The following LYN variants were observed in gnomAD, a reference collection of about 807,000 sequenced individuals.
LYN encodes the protein LYN proto-oncogene, Src family tyrosine kinase, also known as tyrosine-protein kinase Lyn.
LYN carries 12 observed loss-of-function variants against 65.0 expected under a neutral mutation model. The observed-to-expected ratio is 0.18, with a 90% CI of 0.12 to 0.30. LYN has a LOEUF of 0.30. Among genes scored for constraint, LYN ranks in the 10% least tolerant of loss-of-function variants. The pLI is 1.00. For synonymous variants in LYN, 222 were observed against 221.2 expected (o/e 1.00, Z -0.03); for missense variants, 380 against 623.2 (o/e 0.61, Z 4.16).
At chr8:55,952,853 A>C (rs916412044) in intron 7 of LYN, among the ~76,000 whole-genome samples, 4 of 152,160 alleles carry the variant, frequency 2.6e-5, no homozygotes, top group African/African-American at 9.7e-5. Context: ...TACCACTGAA[A>C]TATTTAGAAG....
intron 1 of LYN, among the ~76,000 whole-genome samples, chr8:55,938,791 G>A (rs1385302005): frequency 2.6e-5 from 4 of 152,216 alleles, no homozygotes; most frequent in Non-Finnish European, 5.9e-5. Flanking sequence ...ATGGCAAAGT[G>A]GTAAGAGCCC....
chr8:55,894,609 T>A (rs2130369253), intron 1 of LYN, among the ~76,000 whole-genome samples: 1 of 151,962 alleles, frequency 6.6e-6, no homozygotes, highest in South Asian at 2.1e-4. Flanking sequence ...CTTGGCTCAC[T>A]GCAACCTCTG....
chr8:56,004,224 A>G (rs7843459), intron 12 of LYN, among the ~76,000 whole-genome samples: 38,639 of 149,350 alleles, frequency 0.26, 5,304 homozygotes, highest in Middle Eastern at 0.33. Flanking sequence ...GAGTCACCGC[A>G]CCCGGCCTAA....
At position 56,012,887 on chromosome 8, in the gene LYN, G is replaced by A. The variant is rs909308362; in HGVS notation, c.*2777G>A. 3.3e-5 allele frequency: 5 copies of A among 152,168 alleles called. No homozygotes were observed. The highest frequency in any genetic ancestry group is 3.2e-3 in the Middle Eastern group (1 of 316). The allele number at this position is 152,168 out of a possible 1,614,324, so 9.4% of individuals were successfully genotyped here. On this transcript the variant is annotated 3_prime_UTR_variant, in exon 13 of 13. Coordinates refer to ENST00000519728, the MANE Select transcript of LYN (RefSeq NM_002350.4). ...GAAGAGAAGGAAGGAGGAAAAAAAC[G>A]TGCCTTCCTTCCTGGTGAACATGAA...
At chr8:55,889,223 A>G (rs1471283922) in intron 1 of LYN, among the ~76,000 whole-genome samples, 2 of 152,086 alleles carry the variant, frequency 1.3e-5, no homozygotes, top group Non-Finnish European at 2.9e-5. Context: ...GGATAATTTG[A>G]GCTCAGGAGT....
intron 1 of LYN, among the ~76,000 whole-genome samples, chr8:55,918,683 C>T (rs1265443621): frequency 6.6e-6 from 1 of 152,152 alleles, no homozygotes; most frequent in East Asian, 1.9e-4. Context: ...TATGGCCTTG[C>T]GGGGTAGGGG....
intron 1 of LYN, among the ~76,000 whole-genome samples, chr8:55,914,540 A>C (rs922885816): frequency 2.0e-5 from 3 of 152,174 alleles, no homozygotes; most frequent in African/African-American, 7.2e-5. Flanking sequence ...TGGGTAGGTC[A>C]CAGCCCTGCC....
At chr8:56,008,741 C>CTT (rs141941484) in intron 12 of LYN, among the ~76,000 whole-genome samples, 28 of 152,306 alleles carry the variant, frequency 1.8e-4, no homozygotes, top group Non-Finnish European at 3.7e-4. Flanking sequence ...GAGCACCTTA[C>CTT]TTCTCTCCTG....
At chr8:55,979,018 C>T (rs11998041) in intron 10 of LYN, among the ~76,000 whole-genome samples, 6,775 of 149,178 alleles carry the variant, frequency 0.045, 524 homozygotes, top group African/African-American at 0.16. Flanking sequence ...TGATTTTTCT[C>T]TGTACTTAAA....
At chr8:55,898,400 C>A (rs112100083) in intron 1 of LYN, among the ~76,000 whole-genome samples, 3,410 of 152,106 alleles carry the variant, frequency 0.022, 63 homozygotes, top group East Asian at 0.093. Flanking sequence ...GCAATCCTCC[C>A]ATCTCAGCCT....
At chr8:55,991,983 T>C (rs193072295) in intron 10 of LYN, among the ~76,000 whole-genome samples, 1 of 152,366 alleles carries the variant, frequency 6.6e-6, no homozygotes, top group East Asian at 1.9e-4. Flanking sequence ...ATCGTCTCTT[T>C]ACGTGATTAG....
chr8:55,999,719 C>T (rs1288096958), intron 12 of LYN, among the ~76,000 whole-genome samples, 170 bp downstream of exon 12: 1 of 152,220 alleles, frequency 6.6e-6, no homozygotes, highest in African/African-American at 2.4e-5. Context: ...CGCCTGTAAT[C>T]CCAGCACTTT....
intron 12 of LYN, among the ~76,000 whole-genome samples, chr8:56,008,363 A>T (rs938937847): frequency 2.6e-5 from 4 of 152,200 alleles, no homozygotes; most frequent in African/African-American, 7.2e-5. Flanking sequence ...ACAGCTTTGA[A>T]AAAGAGATAG....
chr8:55,948,260 C>T (rs1435313743), intron 4 of LYN, among the ~76,000 whole-genome samples: 1 of 152,198 alleles, frequency 6.6e-6, no homozygotes, highest in East Asian at 1.9e-4. Context: ...AGGTGTGAGC[C>T]ACCACACCCA....
At chr8:56,006,994 A>G (rs1442531867) in intron 12 of LYN, among the ~76,000 whole-genome samples, 1 of 152,206 alleles carries the variant, frequency 6.6e-6, no homozygotes, top group Non-Finnish European at 1.5e-5. Flanking sequence ...TTCCCCAAAC[A>G]GGGTGGAGCA....
rs955963393 is a variant in LYN at position 55,961,864 on chromosome 8, G to A, written c.791-4851G>A. On this transcript the variant is annotated intron_variant, in intron 8 of 12. Coordinates refer to ENST00000519728, the MANE Select transcript of LYN (RefSeq NM_002350.4). ...CTTGCTAGCCCCAGAAGCCCCCACC[G>A]TCCACCCATCCCCTCCCACCCACAC... Among the ~76,000 whole-genome samples the A allele has an allele frequency of 2.7e-4, 41 of 150,296 alleles. 2 individuals are homozygous for A. The highest frequency in any genetic ancestry group is 8.8e-4 in the African/African-American group (36 of 40,706).
rs1227947578 is a variant in LYN at position 55,998,222 on chromosome 8, C to T, written c.1051-124C>T. The T allele has an allele frequency of 9.2e-6, 6 of 653,214 alleles. No individual in the cohort carries two copies. In the Admixed American group the frequency reaches 1.7e-4, roughly 19 times the overall value. The allele number at this position is 653,214 out of a possible 1,614,324, so 40.5% of individuals were successfully genotyped here. A position where few individuals can be genotyped will look rare whatever the true frequency, so the allele number is the denominator to read the frequency against. ...TGCCATTACCCACTGTCTTTAAAAG[C>T]TGAATGATCAAAATAGTATACATGA... On this transcript the variant is annotated intron_variant, in intron 10 of 12. Coordinates refer to ENST00000519728, the MANE Select transcript of LYN (RefSeq NM_002350.4).
chr8:55,944,325 A>G (rs1258974694), intron 2 of LYN, among the ~76,000 whole-genome samples: 1 of 152,164 alleles, frequency 6.6e-6, no homozygotes, highest in African/African-American at 2.4e-5. Context: ...TCATATATAA[A>G]TATGATTAAT....
At chr8:55,988,958 A>G (rs1012782471) in intron 10 of LYN, among the ~76,000 whole-genome samples, 3 of 152,188 alleles carry the variant, frequency 2.0e-5, no homozygotes, top group African/African-American at 7.2e-5. Context: ...TCAAAAAGCG[A>G]TAGTAATTAG....
Sources: allele counts gnomAD v4.1 joint callset (sites outside exome capture counted in the v4.1 genomes callset), GRCh38; gene constraint gnomAD v4.1.1; transcripts MANE v1.5; gene names NCBI Gene and HGNC (gene_info 2026-07-23, HGNC 2026-07-21).